GPC5: variants seen among roughly 807,000 people sequenced by gnomAD.
The protein encoded by GPC5 is glypican 5.
In GPC5, 47 loss-of-function variants were observed where a neutral mutation model predicts 53.9. That is an observed-to-expected ratio of 0.87 (90% CI 0.69 to 1.11). The LOEUF (loss-of-function observed/expected upper bound fraction) is 1.11, where lower values mean the gene tolerates loss of function less well. Ranked by LOEUF, GPC5 falls within the 50% of genes most tolerant of loss-of-function variation. The probability of loss-of-function intolerance (pLI) is 0.00; values close to 1 mark genes in which losing one functional copy is unlikely to be tolerated. For missense variants in GPC5, 748 were observed against 713.1 expected (o/e 1.05, Z -0.56); for synonymous variants, 286 against 263.3 (o/e 1.09, Z -0.84).
chr13:92,153,700 G>A (rs2041923233), intron 7 of GPC5, among the ~76,000 whole-genome samples: 2 of 152,156 alleles, frequency 1.3e-5, no homozygotes, highest in Non-Finnish European at 2.9e-5. Context: ...GCTTTGCAAA[G>A]CAATTGTACC....
intron 6 of GPC5, among the ~76,000 whole-genome samples, chr13:92,101,778 A>C (rs1179470872): frequency 6.6e-6 from 1 of 152,236 alleles, no homozygotes; most frequent in Non-Finnish European, 1.5e-5. Context: ...TTTCCTTTTA[A>C]GATTGAATAA....
At chr13:92,725,722 C>T (rs1426044019) in intron 7 of GPC5, among the ~76,000 whole-genome samples, 1 of 151,454 alleles carries the variant, frequency 6.6e-6, no homozygotes, top group South Asian at 2.1e-4. Flanking sequence ...TTACTTTGAA[C>T]TAGTTGGGAA....
intron 7 of GPC5, among the ~76,000 whole-genome samples, chr13:92,774,275 T>C (rs1188465552): frequency 6.6e-6 from 1 of 152,248 alleles, no homozygotes; most frequent in African/African-American, 2.4e-5. Context: ...TCTATAACAA[T>C]GACCCACCTG....
chr13:92,308,545 ATAAC>A (rs999245744), intron 7 of GPC5, among the ~76,000 whole-genome samples: 1 of 152,208 alleles, frequency 6.6e-6, no homozygotes, highest in Non-Finnish European at 1.5e-5. Context: ...TATGTCTATA[ATAAC>A]TAACTAGTAA....
chr13:91,799,515 A>T (rs1308320700), intron 5 of GPC5, among the ~76,000 whole-genome samples: 1 of 152,102 alleles, frequency 6.6e-6, no homozygotes, highest in Non-Finnish European at 1.5e-5. Context: ...AAAAAGAAAA[A>T]TTTCAAAATT....
intron 6 of GPC5, among the ~76,000 whole-genome samples, chr13:92,080,463 C>G (rs764565556): frequency 6.6e-6 from 1 of 152,190 alleles, no homozygotes; most frequent in South Asian, 2.1e-4. Context: ...TCCAAATCTT[C>G]TCCCTTTTTG....
chr13:92,065,403 G>C (rs1420159463), intron 6 of GPC5, among the ~76,000 whole-genome samples: 3 of 152,140 alleles, frequency 2.0e-5, no homozygotes, highest in Non-Finnish European at 4.4e-5. Flanking sequence ...AGTATACTTG[G>C]ATATAAAAAT....
intron 7 of GPC5, among the ~76,000 whole-genome samples, chr13:92,222,642 G>A (rs564541687): frequency 6.6e-6 from 1 of 151,930 alleles, no homozygotes; most frequent in Non-Finnish European, 1.5e-5. Context: ...TTTCTTTGGG[G>A]TGTGTGTGTG....
rs367652477 is a variant in GPC5, at chr13:91,592,913, C to A, written c.326-100274C>A. Reference sequence around the variant, plus strand: ...CATGGGGAAGTAAGTCCTGGCATGGCGGTCAGCTGAGGCAAGACATTCTCA... The same window carrying A: ...CATGGGGAAGTAAGTCCTGGCATGGAGGTCAGCTGAGGCAAGACATTCTCA... On this transcript the variant is annotated intron_variant, in intron 2 of 7. Coordinates refer to ENST00000377067, the MANE Select transcript of GPC5 (RefSeq NM_004466.6). Among the ~76,000 whole-genome samples the A allele has an allele frequency of 5.3e-5, 8 of 152,168 alleles. No homozygotes were observed. The South Asian group carries it at 1.0e-3, about 20-fold the overall frequency.
chr13:91,491,412 C>T (rs963971054), intron 2 of GPC5, among the ~76,000 whole-genome samples: 4 of 152,174 alleles, frequency 2.6e-5, no homozygotes, highest in Admixed American at 2.6e-4. Context: ...ATATAACCTA[C>T]TTTTATATTC....
At position 91,614,569 on chromosome 13, in the gene GPC5, T is replaced by C. The variant is rs72641474; in HGVS notation, c.326-78618T>C. Among the ~76,000 whole-genome samples, 5 of 151,716 alleles carry C rather than the reference T, an allele frequency of 3.3e-5. No homozygotes were observed. The South Asian group carries it at 6.5e-4, about 20-fold the overall frequency. The stretch of plus-strand genomic sequence containing the variant: ...CTGGTCTTGAGCTCCTAGAGATGAA[T>C]GATCCTCTTCACTTGGCCTCCCAAG... On this transcript the variant is annotated intron_variant, in intron 2 of 7. Transcript: ENST00000377067.
In GPC5 at chr13:92,089,307, G is replaced by A. The variant is rs937733090; in HGVS notation, c.1402-55523G>A. On this transcript the variant is annotated intron_variant, in intron 6 of 7. Transcript: ENST00000377067. ...AAATTAGCCAGGCATTGTGGCGGGCGGCTGTAGTCCCAGCTACTCAGGAGG... is the reference window on the plus strand; with the variant it reads ...AAATTAGCCAGGCATTGTGGCGGGCAGCTGTAGTCCCAGCTACTCAGGAGG... 1.1e-3 allele frequency among the ~76,000 whole-genome samples: 164 copies of A among 151,532 alleles called. 2 individuals carry two copies. The highest frequency in any genetic ancestry group is 3.4e-3 in the African/African-American group (140 of 41,060).
At chr13:92,430,961 C>A (rs773355083) in intron 7 of GPC5, among the ~76,000 whole-genome samples, 1 of 152,076 alleles carries the variant, frequency 6.6e-6, no homozygotes, top group Admixed American at 6.6e-5. Flanking sequence ...GCATCAGACA[C>A]AATACAATAA....
intron 2 of GPC5, among the ~76,000 whole-genome samples, chr13:91,452,256 T>A (rs534234432): frequency 1.3e-5 from 2 of 152,214 alleles, no homozygotes; most frequent in East Asian, 3.9e-4. Context: ...AGTGCTGGGA[T>A]TATAGGCATA....
chr13:92,520,214 G>A (rs184116106), intron 7 of GPC5, among the ~76,000 whole-genome samples: 3 of 152,232 alleles, frequency 2.0e-5, no homozygotes, highest in Admixed American at 2.0e-4. Context: ...GGAGGAGCTG[G>A]TACCATTCCT....
At chr13:91,907,503 T>TTTTA (rs1555296011) in intron 5 of GPC5, among the ~76,000 whole-genome samples, 4 of 129,544 alleles carry the variant, frequency 3.1e-5, no homozygotes, top group African/African-American at 1.2e-4. Flanking sequence ...CTCTCTCTCT[T>TTTTA]TATATATATA....
At chr13:92,731,962 G>A (rs1241914609) in intron 7 of GPC5, among the ~76,000 whole-genome samples, 1 of 151,414 alleles carries the variant, frequency 6.6e-6, no homozygotes, top group Non-Finnish European at 1.5e-5. Flanking sequence ...CCATGGGATT[G>A]TGTGAGGGGA....
At chr13:91,789,691 A>G (rs2138743738) in intron 5 of GPC5, among the ~76,000 whole-genome samples, 1 of 152,310 alleles carries the variant, frequency 6.6e-6, no homozygotes, top group South Asian at 2.1e-4. Context: ...AATTATGTGT[A>G]CCTGTTGTAG....
At chr13:91,656,337 A>G (rs1470541967) in intron 2 of GPC5, among the ~76,000 whole-genome samples, 1 of 152,158 alleles carries the variant, frequency 6.6e-6, no homozygotes, top group Non-Finnish European at 1.5e-5. Flanking sequence ...GCAATGATTT[A>G]CCAAATAAAC....
Sources: allele counts gnomAD v4.1 joint callset (sites outside exome capture counted in the v4.1 genomes callset), GRCh38; gene constraint gnomAD v4.1.1; transcripts MANE v1.5; gene names NCBI Gene and HGNC (gene_info 2026-07-23, HGNC 2026-07-21).